VPS13A: variants seen among roughly 807,000 people sequenced by gnomAD.
VPS13A encodes vacuolar protein sorting 13 homolog A.
VPS13A carries 264 observed loss-of-function variants against 390.9 expected under a neutral mutation model. The observed-to-expected ratio is 0.68, with a 90% confidence interval of 0.61 to 0.75. VPS13A has a LOEUF of 0.75. Among genes scored for constraint, VPS13A ranks in the 30% least tolerant of loss-of-function variants. The pLI, the probability that VPS13A is intolerant of heterozygous loss-of-function variation, is 0.00. For missense variants in VPS13A, 3,409 were observed against 3,733.9 expected (o/e 0.91, Z 2.27); for synonymous variants, 1,231 against 1,227.1 (o/e 1.00, Z -0.07).
At chr9:77,181,253 T>C (rs944552514) in intron 1 of VPS13A, among the ~76,000 whole-genome samples, 22 of 151,564 alleles carry the variant, frequency 1.5e-4, no homozygotes, top group African/African-American at 5.1e-4. Context: ...CCAGGCATAG[T>C]GGCTCATGCC....
rs936326410 is a variant in VPS13A at position 77,185,147 on chromosome 9, C to CT, written c.100+7356dup. 9.9e-3 allele frequency among the ~76,000 whole-genome samples: 1,433 copies of CT among 144,670 alleles called. 20 individuals are homozygous for CT. Among genetic ancestry groups the CT allele is most frequent in the African/African-American group, 0.03 (1,184 of 39,706 alleles). The allele number at this position is 144,670 out of a possible 152,430, so 94.9% of individuals were successfully genotyped here. ...TACCATGTGGGATATGACATTATCT[C>CT]TTTTTTTTTTTTTGAGACAGAGTCT... On this transcript the variant is annotated intron_variant, in intron 1 of 71. Transcript: ENST00000360280.
chr9:77,279,981 A>G (rs923737890), intron 26 of VPS13A, 178 bp from the exon 27 acceptor site: 2 of 488,702 alleles, frequency 4.1e-6, no homozygotes, highest in Non-Finnish European at 7.3e-6. Flanking sequence ...GTGAGGAGAA[A>G]TTAAATTTTT....
chr9:77,190,677 C>T (rs1219742843), intron 1 of VPS13A, among the ~76,000 whole-genome samples: 6 of 152,076 alleles, frequency 3.9e-5, no homozygotes, highest in Non-Finnish European at 7.4e-5. Flanking sequence ...TTTATATGTC[C>T]GGTAGAATTT....
intron 17 of VPS13A, among the ~76,000 whole-genome samples, chr9:77,237,224 A>G (rs886223114): frequency 6.6e-6 from 1 of 151,820 alleles, no homozygotes; most frequent in Non-Finnish European, 1.5e-5. Context: ...TGTTTGCTGT[A>G]TGCCCTTAGA....
At chr9:77,410,144 C>T (rs1288821949) in intron 71 of VPS13A, among the ~76,000 whole-genome samples, 1 of 152,152 alleles carries the variant, frequency 6.6e-6, no homozygotes, top group African/African-American at 2.4e-5. Flanking sequence ...CAATATTCAG[C>T]ATTCTTAAAG....
At chr9:77,324,397 C>G (rs767814065) in intron 45 of VPS13A, among the ~76,000 whole-genome samples, 1 of 152,008 alleles carries the variant, frequency 6.6e-6, no homozygotes, top group Non-Finnish European at 1.5e-5. Context: ...TTGTAGATGC[C>G]TTTTCTTAGG....
chr9:77,392,219 AAG>A (rs1489952147), intron 68 of VPS13A, among the ~76,000 whole-genome samples: 2 of 152,200 alleles, frequency 1.3e-5, no homozygotes, highest in Non-Finnish European at 2.9e-5. Context: ...GAAGCATTGC[AAG>A]AGACATGATA....
chr9:77,312,288 T>C (rs1264842931), intron 35 of VPS13A, among the ~76,000 whole-genome samples: 1 of 152,288 alleles, frequency 6.6e-6, no homozygotes, highest in East Asian at 1.9e-4. Context: ...GTATGTATCT[T>C]TTATCCAGAG....
At position 77,365,447 on chromosome 9, in the gene VPS13A, G is replaced by C; in HGVS notation, c.8212-13G>C. 6.4e-7 allele frequency: 1 copy of C among 1,554,750 alleles called. No homozygotes were observed. The highest frequency in any genetic ancestry group is 8.9e-7 in the Non-Finnish European group (1 of 1,127,254). On this transcript the variant is annotated splice_polypyrimidine_tract_variant and intron_variant, in intron 59 of 71. Transcript: ENST00000360280. The stretch of plus-strand genomic sequence containing the variant: ...GGTCCCTTTAGTTTTAATATTTTGT[G>C]TTCCTTTTATAGGTTGAGCTTTTTC...
chr9:77,403,231 T>A lies in VPS13A; in HGVS notation c.9190-5T>A, dbSNP rs1188098589. ...TTCTCATTGTCTCTCACTTTTTTCT[T>A]TTAGGTCATGGAAAATGGAAGATTT... On this transcript the variant is annotated splice_polypyrimidine_tract_variant and splice_region_variant and intron_variant, in intron 68 of 71. Coordinates refer to ENST00000360280, the MANE Select transcript of VPS13A (RefSeq NM_033305.3). 6.2e-7 allele frequency: 1 copy of A among 1,607,568 alleles called. No individual in the cohort carries two copies. The highest frequency in any genetic ancestry group is 8.5e-7 in the Non-Finnish European group (1 of 1,175,502).
chr9:77,357,622 G>T (rs1207504911), intron 55 of VPS13A, 70 bp from the exon 56 acceptor site: 2 of 1,515,404 alleles, frequency 1.3e-6, no homozygotes, highest in Non-Finnish European at 1.8e-6. Flanking sequence ...AAAAGTTTTT[G>T]GCATTAATTT....
chr9:77,326,291 A>G (rs1325259748), intron 45 of VPS13A, among the ~76,000 whole-genome samples: 1 of 151,968 alleles, frequency 6.6e-6, no homozygotes, highest in Admixed American at 6.6e-5. Flanking sequence ...ATGTGGATTT[A>G]TAGTTTTGAT....
At chr9:77,185,249 C>T (rs2131056496) in intron 1 of VPS13A, among the ~76,000 whole-genome samples, 1 of 152,136 alleles carries the variant, frequency 6.6e-6, no homozygotes, top group East Asian at 1.9e-4. Flanking sequence ...TCAAGTGATT[C>T]TCCTGCCTCA....
chr9:77,247,890 C>T lies in VPS13A; in HGVS notation c.2037+495C>T, dbSNP rs1397057995. 3.3e-5 allele frequency among the ~76,000 whole-genome samples: 5 copies of T among 152,162 alleles called. No individual in the cohort carries two copies. The East Asian group carries it at 9.7e-4, about 29-fold the overall frequency. ...TGCAGACTGGTCTCGAATGCCTGTACTGAAGTGATCCACTTGCATTGGCTT... is the reference window on the plus strand; with the variant it reads ...TGCAGACTGGTCTCGAATGCCTGTATTGAAGTGATCCACTTGCATTGGCTT... On this transcript the variant is annotated intron_variant, in intron 20 of 71. Coordinates refer to ENST00000360280, the MANE Select transcript of VPS13A (RefSeq NM_033305.3).
At chr9:77,293,138 A>G (rs1827770994) in intron 31 of VPS13A, among the ~76,000 whole-genome samples, 1 of 152,180 alleles carries the variant, frequency 6.6e-6, no homozygotes, top group African/African-American at 2.4e-5. Flanking sequence ...CACAAAGGAA[A>G]TTGCCACCAC....
chr9:77,398,147 C>T (rs1834195771), intron 68 of VPS13A, among the ~76,000 whole-genome samples: 1 of 152,136 alleles, frequency 6.6e-6, no homozygotes, highest in Non-Finnish European at 1.5e-5. Flanking sequence ...ATTTTTGACA[C>T]TAAATTATTT....
At chr9:77,181,101 T>A (rs994862130) in intron 1 of VPS13A, among the ~76,000 whole-genome samples, 1 of 152,236 alleles carries the variant, frequency 6.6e-6, no homozygotes, top group African/African-American at 2.4e-5. Context: ...AAATTGGTTA[T>A]GTTTTGATAA....
intron 68 of VPS13A, among the ~76,000 whole-genome samples, chr9:77,399,181 T>TAAAAAAAAAAAAAAAAAAAAA (rs1223344360): frequency 2.9e-5 from 1 of 34,956 alleles, no homozygotes; most frequent in Non-Finnish European, 6.2e-5. Context: ...AAAAAAAAAA[T>TAAAAAAAAAAAAAAAAAAAAA]AAAAAAAAAA....
At chr9:77,244,914 G>A (rs1399705810) in intron 19 of VPS13A, among the ~76,000 whole-genome samples, 1 of 152,118 alleles carries the variant, frequency 6.6e-6, no homozygotes, top group African/African-American at 2.4e-5. Context: ...CACTGCTAAA[G>A]GGTATAAGAA....
Sources: gnomAD v4.1 joint callset for allele counts (sites outside exome capture counted in the v4.1 genomes callset) on GRCh38, gnomAD v4.1.1 for gene constraint, MANE v1.5 for transcripts, NCBI Gene and HGNC (gene_info 2026-07-23, HGNC 2026-07-21) for gene names.